XPR1: variants seen among roughly 807,000 people sequenced by gnomAD.
XPR1 encodes the protein solute carrier family 53 member 1.
XPR1 carries 28 observed loss-of-function variants against 87.5 expected under a neutral mutation model. The ratio of observed to expected loss-of-function variants is 0.32; its 90% confidence interval spans 0.24 to 0.44. The LOEUF (loss-of-function observed/expected upper bound fraction) is 0.44. Among genes scored for constraint, XPR1 ranks in the 20% least tolerant of loss-of-function variants. The pLI is 1.00. For missense variants in XPR1, 559 were observed against 862.3 expected, an observed-to-expected ratio of 0.65 and a Z score of 4.41; for synonymous variants, 300 against 306.1, an observed-to-expected ratio of 0.98 and a Z score of 0.21.
At chr1:180,780,767 C>CAA (rs756960289) in intron 2 of XPR1, among the ~76,000 whole-genome samples, 202 of 106,074 alleles carry the variant, frequency 1.9e-3, no homozygotes, top group African/African-American at 3.1e-3. Context: ...GACTCTGTCT[C>CAA]AAAAAAAAAA....
intron 7 of XPR1, among the ~76,000 whole-genome samples, chr1:180,818,241 T>A (rs904048278): frequency 6.6e-6 from 1 of 152,178 alleles, no homozygotes; most frequent in Non-Finnish European, 1.5e-5. Context: ...AAAATTTTTT[T>A]AATGTTCCTT....
At position 180,770,700 on chromosome 1, in the gene XPR1, T is replaced by C. The variant is rs891199961; in HGVS notation, c.122-17053T>C. On this transcript the variant is annotated intron_variant, in intron 2 of 14. Transcript: ENST00000367590. ...CTTCAACCTCAACTAAAAATAACTT[T>C]GTTTAAAAATGCACCAGATTATTTT... Among the ~76,000 whole-genome samples the C allele has an allele frequency of 3.9e-5, 6 of 152,196 alleles. No homozygotes were observed. In the East Asian group the frequency reaches 5.8e-4, roughly 15 times the overall value.
chr1:180,873,894 A>C lies in XPR1; in HGVS notation c.1760A>C (p.His587Pro), dbSNP rs997789280. ...ISITSTTLLP[H>P]SGDIIATVFA... ...ATTACCTCTACAACTTTGTTGCCTC[A>C]TTCTGGGGACATCATTGCTACTGTC... The change falls in exon 13 of 15, where the codon CAT becomes CCT. Residue 587 changes from histidine (H) to proline (P), a missense_variant. Physicochemically the swap from His to Pro is moderately conservative, Grantham distance 77 (BLOSUM62 -2). Around this residue, in one of 7 missense-constraint regions of XPR1, gnomAD observed 264 missense variants for 377.2 expected, o/e 0.70. Transcript: ENST00000367590. The C allele has an allele frequency of 1.1e-5, 17 of 1,614,142 alleles. No individual in the cohort carries two copies. Among genetic ancestry groups the C allele is most frequent in the Non-Finnish European group, 1.4e-5 (17 of 1,180,020 alleles).
At chr1:180,860,254 T>C (rs1379427202) in intron 11 of XPR1, among the ~76,000 whole-genome samples, 1 of 152,230 alleles carries the variant, frequency 6.6e-6, no homozygotes, top group East Asian at 1.9e-4. Flanking sequence ...TCTCTTACAT[T>C]GCTGGTGAAA....
intron 1 of XPR1, among the ~76,000 whole-genome samples, chr1:180,663,798 A>C (rs1655859464): frequency 2.0e-5 from 3 of 152,012 alleles, no homozygotes; most frequent in Non-Finnish European, 4.4e-5. Flanking sequence ...GCATTCTGAA[A>C]CCTTAGAAAT....
intron 2 of XPR1, among the ~76,000 whole-genome samples, chr1:180,713,387 A>C (rs894506209): frequency 6.6e-6 from 1 of 152,186 alleles, no homozygotes; most frequent in African/African-American, 2.4e-5. Context: ...AGCTTTTTAA[A>C]AATAGATTCC....
intron 1 of XPR1, among the ~76,000 whole-genome samples, chr1:180,638,934 G>A (rs574554273): frequency 6.6e-6 from 1 of 152,148 alleles, no homozygotes; most frequent in African/African-American, 2.4e-5. Context: ...TACTCAGACT[G>A]ATATTTAGTC....
intron 2 of XPR1, among the ~76,000 whole-genome samples, chr1:180,752,127 A>G (rs61809357): frequency 0.053 from 8,104 of 152,252 alleles, 313 homozygotes; most frequent in Non-Finnish European, 0.079. Context: ...AAAGTTGAAT[A>G]TTTATGGCAT....
At chr1:180,803,710 A>C in intron 4 of XPR1, 99 bp downstream of exon 4, 1 of 1,001,014 alleles carries the variant, frequency 1.0e-6, no homozygotes, top group Non-Finnish European at 1.5e-6. Flanking sequence ...TCAGTTCCAA[A>C]AAGGAAAATC....
In XPR1 at chr1:180,701,808, G is replaced by A. The variant is rs1188235436; in HGVS notation, c.121+19397G>A. On this transcript the variant is annotated intron_variant, in intron 2 of 14. Transcript: ENST00000367590. ...GAAGGAATGGTACTAGTTCCTCCTC[G>A]TATTTGATTCTTCTCTCTTTTTTTC... is the stretch of plus-strand genomic sequence containing the variant. Among the ~76,000 whole-genome samples the A allele has an allele frequency of 2.3e-4, 32 of 141,028 alleles. 5 individuals are homozygous for A. The highest frequency in any genetic ancestry group is 4.2e-4 in the Non-Finnish European group (28 of 66,084). 92.5% of individuals were successfully genotyped at this position (141,028 alleles called of 152,430 possible).
At chr1:180,707,371 G>A (rs2101978571) in intron 2 of XPR1, among the ~76,000 whole-genome samples, 1 of 152,220 alleles carries the variant, frequency 6.6e-6, no homozygotes, top group African/African-American at 2.4e-5. Flanking sequence ...AGTGTGTGTT[G>A]CTCCCCTCTA....
intron 13 of XPR1, among the ~76,000 whole-genome samples, chr1:180,875,558 T>G (rs2102221286): frequency 7.4e-6 from 1 of 135,466 alleles, no homozygotes; most frequent in Admixed American, 7.2e-5. Context: ...TAATTGAAAA[T>G]GTGATAAAAG....
rs1397205770 is a variant in XPR1, at chr1:180,846,445, A to AT, written c.1501+9732dup. Among the ~76,000 whole-genome samples the AT allele has an allele frequency of 5.6e-5, 7 of 125,590 alleles. No homozygotes were observed. The South Asian group carries it at 9.9e-4, about 18-fold the overall frequency. The allele number at this position is 125,590 out of a possible 152,430, so 82.4% of individuals were successfully genotyped here. ...TGTTTGTTTTTGTTTTTGTTTATTT[A>AT]TTTATTTTTTTTTTGAGATGGAATC... On this transcript the variant is annotated intron_variant, in intron 11 of 14. Transcript: ENST00000367590.
chr1:180,652,622 T>C (rs536015914), intron 1 of XPR1, among the ~76,000 whole-genome samples: 2 of 152,312 alleles, frequency 1.3e-5, no homozygotes, highest in South Asian at 4.1e-4. Context: ...TTATTTGAAA[T>C]TATAATATTT....
At chr1:180,663,494 A>G (rs1655848100) in intron 1 of XPR1, among the ~76,000 whole-genome samples, 1 of 152,176 alleles carries the variant, frequency 6.6e-6, no homozygotes, top group Non-Finnish European at 1.5e-5. Flanking sequence ...CTAGATAAAC[A>G]GAGTTTATCT....
At chr1:180,748,144 T>A (rs1647339176) in intron 2 of XPR1, among the ~76,000 whole-genome samples, 1 of 152,142 alleles carries the variant, frequency 6.6e-6, no homozygotes, top group South Asian at 2.1e-4. Flanking sequence ...TTTGGACAAA[T>A]CATTGCTAAG....
chr1:180,762,110 G>A (rs1648062159), intron 2 of XPR1, among the ~76,000 whole-genome samples: 1 of 138,862 alleles, frequency 7.2e-6, no homozygotes, highest in African/African-American at 2.7e-5. Context: ...ATCACACTCT[G>A]GGGACTGTTG....
intron 11 of XPR1, among the ~76,000 whole-genome samples, chr1:180,842,693 A>C (rs373963054): frequency 1.3e-5 from 2 of 152,336 alleles, no homozygotes; most frequent in East Asian, 3.9e-4. Context: ...GGCAAAGAAA[A>C]GCCTGTGGGA....
At chr1:180,679,184 G>A (rs1179726821) in intron 1 of XPR1, among the ~76,000 whole-genome samples, 2 of 151,464 alleles carry the variant, frequency 1.3e-5, no homozygotes, top group African/African-American at 2.4e-5. Context: ...GACAGAGCGA[G>A]ACTCCATCTC....
Sources: gnomAD v4.1 joint callset for allele counts (sites outside exome capture counted in the v4.1 genomes callset) on GRCh38, gnomAD v4.1.1 for gene constraint, gnomAD v4.1.1 regional missense constraint, MANE v1.5 for transcripts, NCBI Gene and HGNC (gene_info 2026-07-23, HGNC 2026-07-21) for gene names.